ARHGEF7: variants seen among roughly 807,000 people sequenced by gnomAD.
The protein encoded by ARHGEF7 is PAK-interacting exchange factor beta.
ARHGEF7 carries 33 observed loss-of-function variants against 109.8 expected under a neutral mutation model. The ratio of observed to expected loss-of-function variants is 0.30; its 90% CI spans 0.23 to 0.40. The LOEUF is 0.40. ARHGEF7 is among the 10% of genes least tolerant of loss of function. ARHGEF7 has a pLI of 1.00. For missense variants in ARHGEF7, 938 were observed against 1,098.5 expected (o/e 0.85, Z 2.07); for synonymous variants, 458 against 424.6 (o/e 1.08, Z -0.97).
chr13:111,158,041 T>C (rs1270585104), intron 2 of ARHGEF7, among the ~76,000 whole-genome samples: 1 of 152,218 alleles, frequency 6.6e-6, no homozygotes. Context: ...TTCCAGTTAA[T>C]TGATACATTA....
At position 111,273,918 on chromosome 13, in the gene ARHGEF7, C is replaced by G; in HGVS notation, c.1178C>G (p.Pro393Arg). Reference protein sequence around the residue: ...SKPFMRLDKYPTLLKELERHM... With the variant: ...SKPFMRLDKYRTLLKELERHM... ...CCCTTCATGCGCCTGGATAAATACC[C>G]TACGCTGCTCAAAGAGCTCGAGAGA... The change falls in exon 10 of 22, where the codon CCT (proline) becomes CGT (arginine). Residue 393 changes from proline to arginine, a missense_variant. Transcript: ENST00000646102. This position sits in a 1 kb window ranked among gnomAD's most constrained non-coding sequence, Gnocchi z 4.5. 6.2e-7 allele frequency: 1 copy of G among 1,614,190 alleles called. No homozygotes were observed. Among genetic ancestry groups the G allele is most frequent in the Non-Finnish European group, 8.5e-7 (1 of 1,180,034 alleles).
At chr13:111,170,141 C>T (rs2077467669) in intron 2 of ARHGEF7, among the ~76,000 whole-genome samples, 1 of 152,192 alleles carries the variant, frequency 6.6e-6, no homozygotes. Context: ...TCTGTTCTCC[C>T]TGCTGGAGTG....
intron 2 of ARHGEF7, among the ~76,000 whole-genome samples, chr13:111,178,390 C>T (rs973952623): frequency 1.6e-4 from 25 of 152,120 alleles, no homozygotes; most frequent in African/African-American, 5.8e-4. Context: ...GTGTTTTTGG[C>T]CAGATTTTTG....
intron 9 of ARHGEF7, among the ~76,000 whole-genome samples, 196 bp downstream of exon 9, chr13:111,267,866 A>T (rs1029112241): frequency 6.6e-6 from 1 of 152,220 alleles, no homozygotes; most frequent in African/African-American, 2.4e-5. Flanking sequence ...TAAAAAGACA[A>T]ATCTTTTCAA....
At chr13:111,213,672 G>T (rs1451216572) in intron 4 of ARHGEF7, among the ~76,000 whole-genome samples, 1 of 152,066 alleles carries the variant, frequency 6.6e-6, no homozygotes, top group Admixed American at 6.6e-5. Flanking sequence ...CCCTTAGAGT[G>T]TCATGTTGAG....
chr13:111,292,267 C>T lies in ARHGEF7; in HGVS notation c.2284C>T (p.His762Tyr). 1 of 1,614,212 alleles carries T rather than the reference C, an allele frequency of 6.2e-7. No individual in the cohort carries two copies. Among genetic ancestry groups the T allele is most frequent in the African/African-American group, 1.3e-5 (1 of 75,058 alleles). The change falls in exon 19 of 22, where the codon CAT (histidine) becomes TAT (tyrosine). Residue 762 changes from histidine (H) to tyrosine (Y), a missense_variant. Physicochemically the swap from His to Tyr is moderately conservative, Grantham distance 83. This residue lies in a region of ARHGEF7 where 166 missense variants were observed against 167.3 expected (regional missense o/e 0.99). Coordinates refer to ENST00000646102, the MANE Select transcript of ARHGEF7 (RefSeq NM_001354046.2). The stretch of plus-strand genomic sequence containing the variant: ...TGACTATGACAGTATATGGACAGCC[C>T]ATAGTTACAGAATGGGTTCTACATC... ...DSDYDSIWTAHSYRMGSTSRS... is the reference protein window; with the variant it reads ...DSDYDSIWTAYSYRMGSTSRS...
intron 1 of ARHGEF7, among the ~76,000 whole-genome samples, chr13:111,126,218 C>T (rs537124582): frequency 3.9e-5 from 6 of 152,194 alleles, no homozygotes; most frequent in Admixed American, 6.5e-5. Context: ...AGGCTGGGCG[C>T]GGTGGCTCAC....
At chr13:111,200,754 T>C (rs755934924) in intron 2 of ARHGEF7, among the ~76,000 whole-genome samples, 2 of 152,232 alleles carry the variant, frequency 1.3e-5, no homozygotes, top group Non-Finnish European at 2.9e-5. Context: ...TCCCCAGGTG[T>C]TCCCAAGTAC....
intron 6 of ARHGEF7, among the ~76,000 whole-genome samples, chr13:111,240,292 A>C (rs1448288462): frequency 6.6e-6 from 1 of 152,224 alleles, no homozygotes. Flanking sequence ...AGACCTGTGA[A>C]TCTCCAAATT....
Position 111,181,601 on chromosome 13 carries a change from C to G in ARHGEF7, c.253-23688C>G, listed in dbSNP as rs77676678. ...CAGGTGCTGTTCATCAGTTTGCACT[C>G]GGTTCTGAGGAAGTGTCTTGAGCTG... On this transcript the variant is annotated intron_variant, in intron 2 of 21. Coordinates refer to ENST00000646102, the MANE Select transcript of ARHGEF7 (RefSeq NM_001354046.2). Among the ~76,000 whole-genome samples the G allele has an allele frequency of 9.2e-4, 140 of 152,226 alleles. 1 individual carries two copies. In the East Asian group the frequency reaches 0.022, roughly 24 times the overall value.
At chr13:111,148,135 C>T (rs564566871) in intron 1 of ARHGEF7, among the ~76,000 whole-genome samples, 3 of 152,328 alleles carry the variant, frequency 2.0e-5, no homozygotes, top group African/African-American at 2.4e-5. Flanking sequence ...AGCTTCTGTG[C>T]GTCTCACTCT....
intron 8 of ARHGEF7, among the ~76,000 whole-genome samples, chr13:111,262,434 C>G (rs923055541): frequency 6.6e-6 from 1 of 152,074 alleles, no homozygotes; most frequent in Non-Finnish European, 1.5e-5. Flanking sequence ...GTGTGTCTAT[C>G]TCCACCCTGA....
chr13:111,138,051 C>T (rs753564366), intron 1 of ARHGEF7, among the ~76,000 whole-genome samples: 4 of 152,114 alleles, frequency 2.6e-5, no homozygotes, highest in Admixed American at 1.3e-4. Flanking sequence ...CGGTGGCTCA[C>T]GCCTGTAATC....
chr13:111,205,641 T>G (rs562338425), intron 3 of ARHGEF7, among the ~76,000 whole-genome samples: 105 of 152,256 alleles, frequency 6.9e-4, no homozygotes, highest in Middle Eastern at 6.8e-3. Flanking sequence ...GAGAAAAGTG[T>G]CTAGTTCTTA....
rs74515889 is a variant in ARHGEF7 at position 111,155,237 on chromosome 13, T to C, written c.252+1246T>C. Among the ~76,000 whole-genome samples, 253 of 152,352 alleles carry C rather than the reference T, an allele frequency of 1.7e-3. 2 individuals are homozygous for C. The highest frequency in any genetic ancestry group is 5.9e-3 in the African/African-American group (244 of 41,574). ...GAAAGCATCTTTGTAGAACCTGTTA[T>C]GTAGGATAACCCAACAGAGGTTTCC... On this transcript the variant is annotated intron_variant, in intron 2 of 21. Coordinates refer to ENST00000646102, the MANE Select transcript of ARHGEF7 (RefSeq NM_001354046.2).
At position 111,305,241 on chromosome 13, in the gene ARHGEF7, A is replaced by C. The variant is rs894050385; in HGVS notation, c.*2128A>C. 1 of 152,210 alleles carries C rather than the reference A, an allele frequency of 6.6e-6. No homozygotes were observed. The highest frequency in any genetic ancestry group is 1.5e-5 in the Non-Finnish European group (1 of 68,052). 9.4% of individuals were successfully genotyped at this position (152,210 alleles called of 1,614,324 possible). A position where few individuals can be genotyped will look rare whatever the true frequency, so the allele number is the denominator to read the frequency against. ...CTCGGCTTTTTAGGGAGCAGGAAAA[A>C]TGCGTCTGAGAGCAACTCTTTTTAA... On this transcript the variant is annotated 3_prime_UTR_variant, in exon 22 of 22. Coordinates refer to ENST00000646102, the MANE Select transcript of ARHGEF7 (RefSeq NM_001354046.2).
At position 111,280,510 on chromosome 13, in the gene ARHGEF7, C is replaced by G. The variant is rs376281943; in HGVS notation, c.1586-28C>G. On this transcript the variant is annotated intron_variant, in intron 14 of 21. Coordinates refer to ENST00000646102, the MANE Select transcript of ARHGEF7 (RefSeq NM_001354046.2). ...CGTGCTTTTTACCTGTGTTTCCACT[C>G]GGCCTATTTTTTCCTTCTCTCCTAT... The G allele has an allele frequency of 6.3e-6, 10 of 1,575,756 alleles. No homozygotes were observed. The African/African-American group carries it at 1.2e-4, about 19-fold the overall frequency.
In ARHGEF7 at chr13:111,280,611, G is replaced by T. The variant is rs1385381725; in HGVS notation, c.1659G>T (p.Gln553His). The stretch of plus-strand genomic sequence containing the variant: ...TGCAGGAATGGGTGGAGCACCTACA[G>T]AAGCAAACGAAGGTCACGTCTGTGG... The part of the protein sequence containing the change: ...QDLQEWVEHL[Q>H]KQTKVTSVGN... The change falls in exon 15 of 22, where the codon CAG becomes CAT. Residue 553 changes from glutamine to histidine, a missense_variant. By Grantham distance (24) the Gln-to-His change is conservative (BLOSUM62 0). Transcript: ENST00000646102. The T allele has an allele frequency of 1.2e-6, 2 of 1,612,756 alleles. No homozygotes were observed. The highest frequency in any genetic ancestry group is 2.2e-5 in the South Asian group (2 of 90,800).
intron 6 of ARHGEF7, among the ~76,000 whole-genome samples, chr13:111,236,297 T>G (rs991235739): frequency 1.3e-5 from 2 of 152,246 alleles, no homozygotes; most frequent in African/African-American, 4.8e-5. Context: ...TTGAAACCTT[T>G]ATCTCCTAAG....
Sources: allele counts gnomAD v4.1 joint callset (sites outside exome capture counted in the v4.1 genomes callset), GRCh38; gene constraint gnomAD v4.1.1; regional missense constraint gnomAD v4.1.1; non-coding constraint Gnocchi (gnomAD v3.1); transcripts MANE v1.5; gene names NCBI Gene and HGNC (gene_info 2026-07-23, HGNC 2026-07-21).